Variants in ADAMTS6 observed in about 807,000 individuals in gnomAD.
ADAMTS6 encodes ADAM metallopeptidase with thrombospondin type 1 motif 6.
A neutral mutation model predicts 144.3 loss-of-function variants in ADAMTS6; 23 were observed. The ratio of observed to expected loss-of-function variants is 0.16; its 90% confidence interval spans 0.11 to 0.23. The LOEUF (loss-of-function observed/expected upper bound fraction) is 0.23, where lower values mean the gene tolerates loss of function less well. ADAMTS6 is among the 10% of genes least tolerant of loss of function. The pLI, the probability that ADAMTS6 is intolerant of heterozygous loss-of-function variation, is 1.00. For synonymous variants in ADAMTS6, 444 were observed against 457.5 expected (o/e 0.97, Z 0.38); for missense variants, 999 against 1,379.6 (o/e 0.72, Z 4.37).
At chr5:65,273,074 T>A (rs1762182294) in intron 12 of ADAMTS6, among the ~76,000 whole-genome samples, 1 of 152,220 alleles carries the variant, frequency 6.6e-6, no homozygotes, top group African/African-American at 2.4e-5. Context: ...AAAAGATTGT[T>A]GTTGCATTAC....
chr5:65,430,675 G>T (rs1043853316), intron 7 of ADAMTS6, among the ~76,000 whole-genome samples: 31 of 152,124 alleles, frequency 2.0e-4, no homozygotes, highest in African/African-American at 7.5e-4. Flanking sequence ...AGGCAAGGGG[G>T]TTCAAAGAAT....
intron 14 of ADAMTS6, among the ~76,000 whole-genome samples, chr5:65,247,111 C>T (rs1168791415): frequency 6.6e-6 from 1 of 152,078 alleles, no homozygotes; most frequent in East Asian, 1.9e-4. Flanking sequence ...TAACACTCAC[C>T]AAGCGTCTTC....
intron 21 of ADAMTS6, among the ~76,000 whole-genome samples, chr5:65,194,434 T>C (rs1755208381): frequency 6.6e-6 from 1 of 152,348 alleles, no homozygotes; most frequent in Admixed American, 6.5e-5. Flanking sequence ...TTTTGCCCAA[T>C]GGTAGTGTTC....
chr5:65,317,106 A>G (rs1745082304), intron 9 of ADAMTS6, among the ~76,000 whole-genome samples: 1 of 152,106 alleles, frequency 6.6e-6, no homozygotes, highest in South Asian at 2.1e-4. Context: ...CCTGGCTGAC[A>G]TAAAAATCTT....
chr5:65,152,942 G>T (rs2111943430), intron 24 of ADAMTS6, among the ~76,000 whole-genome samples: 1 of 152,280 alleles, frequency 6.6e-6, no homozygotes. Context: ...GAAGCATCCT[G>T]GGTAAATTGT....
At chr5:65,296,868 C>A (rs1742889270) in intron 10 of ADAMTS6, among the ~76,000 whole-genome samples, 1 of 152,118 alleles carries the variant, frequency 6.6e-6, no homozygotes. Flanking sequence ...TTTAACAGAG[C>A]AAGAGTTGAT....
chr5:65,194,369 C>T (rs55757359), intron 21 of ADAMTS6, among the ~76,000 whole-genome samples: 28,425 of 152,132 alleles, frequency 0.19, 2,827 homozygotes, highest in Middle Eastern at 0.25. Flanking sequence ...CAGTCAGCTA[C>T]GCTATCATGA....
chr5:65,471,732 T>C (rs1183855456), intron 2 of ADAMTS6, among the ~76,000 whole-genome samples: 1 of 150,912 alleles, frequency 6.6e-6, no homozygotes, highest in Non-Finnish European at 1.5e-5. Flanking sequence ...CACTCCAGCC[T>C]GGGCGACAGA....
At chr5:65,267,196 G>T (rs1421601033) in intron 12 of ADAMTS6, among the ~76,000 whole-genome samples, 1 of 151,080 alleles carries the variant, frequency 6.6e-6, no homozygotes, top group Non-Finnish European at 1.5e-5. Flanking sequence ...TTTACTTTAC[G>T]TTTTAAACTA....
chr5:65,477,715 G>A (rs1760935030), intron 1 of ADAMTS6, among the ~76,000 whole-genome samples: 1 of 151,860 alleles, frequency 6.6e-6, no homozygotes, highest in Non-Finnish European at 1.5e-5. Flanking sequence ...TATAATAGCT[G>A]GCACATGAGT....
chr5:65,342,754 T>C (rs1428014280), intron 7 of ADAMTS6, among the ~76,000 whole-genome samples: 4 of 152,098 alleles, frequency 2.6e-5, no homozygotes, highest in African/African-American at 9.7e-5. Context: ...GGAAAGAGGA[T>C]GTCAACTTGT....
intron 12 of ADAMTS6, among the ~76,000 whole-genome samples, chr5:65,268,323 G>A (rs938678428): frequency 5.9e-5 from 9 of 152,154 alleles, no homozygotes; most frequent in Non-Finnish European, 1.3e-4. Flanking sequence ...GGGATTACAA[G>A]GATTGGGTTT....
chr5:65,214,782 T>C lies in ADAMTS6; in HGVS notation c.2575+12A>G. On this transcript the variant is annotated intron_variant, in intron 20 of 24. Transcript: ENST00000381055. This position sits in a 1 kb window ranked among gnomAD's most constrained non-coding sequence, Gnocchi z 4.6. ...CTTGCCCTCTGGGTGGGCTGCCTAG[T>C]GGGCATCTTACCTCCAGCACAAGTA... The C allele has an allele frequency of 6.2e-7, 1 of 1,614,128 alleles. No individual in the cohort carries two copies. Among genetic ancestry groups the C allele is most frequent in the Non-Finnish European group, 8.5e-7 (1 of 1,179,996 alleles).
At chr5:65,273,177 T>A (rs1762189623) in intron 12 of ADAMTS6, among the ~76,000 whole-genome samples, 163 bp downstream of exon 12, 1 of 152,210 alleles carries the variant, frequency 6.6e-6, no homozygotes, top group Non-Finnish European at 1.5e-5. Context: ...TAATGCATAT[T>A]TGCAGCTACC....
chr5:65,173,610 T>C (rs1435639945), intron 22 of ADAMTS6, among the ~76,000 whole-genome samples: 1 of 152,216 alleles, frequency 6.6e-6, no homozygotes. Context: ...AGGATGTTTT[T>C]CCCTATGTCA....
intron 13 of ADAMTS6, among the ~76,000 whole-genome samples, chr5:65,261,908 C>T (rs1346230475): frequency 6.7e-6 from 1 of 150,148 alleles, no homozygotes; most frequent in Non-Finnish European, 1.5e-5. Context: ...TGGAGAAAAA[C>T]TAAAAAATAA....
rs899206903 is a variant in ADAMTS6 at position 65,407,184 on chromosome 5, C to G, written c.1073+44291G>C. On this transcript the variant is annotated intron_variant, in intron 7 of 24. Transcript: ENST00000381055. The stretch of plus-strand genomic sequence containing the variant: ...GAGCAACTCCAAGACACAAAATTGT[C>G]AGATTCACCAAAGTTGAAATGAAGG... Among the ~76,000 whole-genome samples the G allele has an allele frequency of 3.2e-4, 49 of 152,024 alleles. 3 individuals are homozygous for G. The highest frequency in any genetic ancestry group is 7.4e-5 in the Non-Finnish European group (5 of 68,012).
chr5:65,307,059 A>G (rs912710823), intron 9 of ADAMTS6, among the ~76,000 whole-genome samples: 1 of 152,050 alleles, frequency 6.6e-6, no homozygotes, highest in Non-Finnish European at 1.5e-5. Flanking sequence ...CATGTTCCTT[A>G]TGTCTTATTT....
intron 1 of ADAMTS6, among the ~76,000 whole-genome samples, chr5:65,480,769 G>A (rs1013742043): frequency 6.6e-6 from 1 of 152,064 alleles, no homozygotes; most frequent in Non-Finnish European, 1.5e-5. Flanking sequence ...GTCCCAAGTG[G>A]CCAAAAGTAA....
Sources: allele counts gnomAD v4.1 joint callset (sites outside exome capture counted in the v4.1 genomes callset), GRCh38; gene constraint gnomAD v4.1.1; non-coding constraint Gnocchi (gnomAD v3.1); transcripts MANE v1.5; gene names NCBI Gene and HGNC (gene_info 2026-07-23, HGNC 2026-07-21).